ANXA10: variants seen among roughly 807,000 people sequenced by gnomAD.
ANXA10 encodes annexin A10, also known as annexin 14.
ANXA10 carries 49 observed loss-of-function variants against 53.5 expected under a neutral mutation model. The ratio of observed to expected loss-of-function variants is 0.92; its 90% CI spans 0.73 to 1.16. The LOEUF (loss-of-function observed/expected upper bound fraction) is 1.16, where lower values mean the gene tolerates loss of function less well. Ranked by LOEUF, ANXA10 falls within the 50% of genes most tolerant of loss-of-function variation. The probability of loss-of-function intolerance (pLI) is 0.00; values close to 1 mark genes in which losing one functional copy is unlikely to be tolerated. For synonymous variants in ANXA10, 131 were observed against 128.9 expected (o/e 1.02, Z -0.11); for missense variants, 393 against 394.4 (o/e 1.00, Z 0.03).
chr4:168,146,156 G>A (rs1013673102), intron 3 of ANXA10, among the ~76,000 whole-genome samples: 5 of 152,090 alleles, frequency 3.3e-5, no homozygotes, highest in African/African-American at 9.7e-5. Flanking sequence ...TGATCCACCC[G>A]CCTTGGCCTC....
intron 10 of ANXA10, among the ~76,000 whole-genome samples, chr4:168,183,051 A>T (rs1024134321): frequency 6.6e-6 from 1 of 151,764 alleles, no homozygotes; most frequent in Non-Finnish European, 1.5e-5. Flanking sequence ...AGAAAAAGAA[A>T]GTCTCATAGA....
At chr4:168,148,619 T>C (rs1950058987) in intron 3 of ANXA10, among the ~76,000 whole-genome samples, 1 of 152,188 alleles carries the variant, frequency 6.6e-6, no homozygotes, top group Admixed American at 6.5e-5. Context: ...TGATCAATAT[T>C]TTTATTCCAC....
intron 1 of ANXA10, among the ~76,000 whole-genome samples, chr4:168,098,117 A>AT (rs1730581496): frequency 6.6e-6 from 1 of 151,460 alleles, no homozygotes; most frequent in African/African-American, 2.4e-5. Context: ...CACTCTTGAA[A>AT]TTTAAAAAAA....
chr4:168,113,587 A>G (rs28595051), intron 1 of ANXA10, among the ~76,000 whole-genome samples: 78,678 of 152,106 alleles, frequency 0.52, 21,158 homozygotes, highest in Non-Finnish European at 0.6. Context: ...CCCTTGTATA[A>G]AAGTACATAA....
chr4:168,161,176 G>A (rs1046664330), intron 3 of ANXA10, among the ~76,000 whole-genome samples: 3 of 152,044 alleles, frequency 2.0e-5, no homozygotes, highest in African/African-American at 4.8e-5. Flanking sequence ...TTTCTTCTAG[G>A]TTTTTTATAG....
chr4:168,096,910 G>GAATATATATATATATATATA (rs1730554140), intron 1 of ANXA10, among the ~76,000 whole-genome samples: 1 of 28,040 alleles, frequency 3.6e-5, no homozygotes, highest in African/African-American at 2.8e-4. Context: ...TAATACAAAT[G>GAATATATATATATATATATA]CATATATATA....
intron 3 of ANXA10, among the ~76,000 whole-genome samples, chr4:168,142,135 G>T (rs888624221): frequency 6.6e-6 from 1 of 152,034 alleles, no homozygotes; most frequent in African/African-American, 2.4e-5. Context: ...ATATGTAAGC[G>T]GTGGGTGGTC....
chr4:168,184,607 A>G lies in ANXA10; in HGVS notation c.832A>G (p.Ser278Gly). The change falls in exon 11 of 12, where the codon AGT becomes GGT. Residue 278 changes from serine (S) to glycine (G), a missense_variant. Ser to Gly is a moderately conservative substitution (Grantham distance 56). Coordinates refer to ENST00000359299, the MANE Select transcript of ANXA10 (RefSeq NM_007193.5). Reference protein sequence around the residue: ...KTVIRILIARSEIDLLTIRKR... With the variant: ...KTVIRILIARGEIDLLTIRKR... ...TGTAATCAGGATTCTCATTGCCAGA[A>G]GTGAAATAGACCTGCTGACCATAAG... is the stretch of plus-strand genomic sequence containing the variant. 4 of 1,614,034 alleles carry G rather than the reference A, an allele frequency of 2.5e-6. No individual in the cohort carries two copies. Among genetic ancestry groups the G allele is most frequent in the Non-Finnish European group, 3.4e-6 (4 of 1,179,880 alleles).
intron 1 of ANXA10, among the ~76,000 whole-genome samples, chr4:168,121,831 GTTTTGTT>G (rs1266506034): frequency 1.3e-5 from 2 of 151,558 alleles, no homozygotes; most frequent in Non-Finnish European, 2.9e-5. Context: ...TTGTTGTTTG[GTTTTGTT>G]TTTTGTTTTG....
At chr4:168,181,173 T>C (rs905998496) in intron 9 of ANXA10, among the ~76,000 whole-genome samples, 2 of 151,826 alleles carry the variant, frequency 1.3e-5, no homozygotes, top group Admixed American at 6.6e-5. Flanking sequence ...GGGCGGATCA[T>C]GAGGTCAGGA....
chr4:168,165,611 T>A (rs1731864431), intron 6 of ANXA10, among the ~76,000 whole-genome samples: 1 of 152,148 alleles, frequency 6.6e-6, no homozygotes, highest in Non-Finnish European at 1.5e-5. Flanking sequence ...TTTTATATTC[T>A]GAGAAAATTA....
intron 10 of ANXA10, among the ~76,000 whole-genome samples, chr4:168,183,317 C>T (rs777111266): frequency 4.6e-5 from 7 of 152,146 alleles, no homozygotes; most frequent in Non-Finnish European, 8.8e-5. Context: ...GATCAATGCT[C>T]ACAGTCTTGC....
intron 1 of ANXA10, among the ~76,000 whole-genome samples, chr4:168,114,887 ATTTTC>A (rs1278817955): frequency 6.6e-6 from 1 of 150,646 alleles, no homozygotes; most frequent in Admixed American, 6.6e-5. Flanking sequence ...ATTTTTTGTT[ATTTTC>A]TTTTATTTTT....
chr4:168,116,420 C>A (rs1217111383), intron 1 of ANXA10, among the ~76,000 whole-genome samples: 3 of 152,040 alleles, frequency 2.0e-5, no homozygotes, highest in Non-Finnish European at 4.4e-5. Context: ...GTGCAGTATT[C>A]CTCTGAGCCA....
chr4:168,135,160 C>G (rs1178986908), intron 2 of ANXA10, among the ~76,000 whole-genome samples: 1 of 152,088 alleles, frequency 6.6e-6, no homozygotes, highest in Non-Finnish European at 1.5e-5. Flanking sequence ...AGTTTTTAAG[C>G]AGTATGGTGA....
At chr4:168,153,436 AAAAAAC>A (rs1210044664) in intron 3 of ANXA10, among the ~76,000 whole-genome samples, 4 of 58,688 alleles carry the variant, frequency 6.8e-5, no homozygotes, top group Admixed American at 1.4e-4. Context: ...AAAAAAAAAA[AAAAAAC>A]AAAAACAAAA....
rs766782048 is a variant in ANXA10, at chr4:168,127,817, CTTTTTTTTTTT to C, written c.19-250_19-240del. 1.3e-3 allele frequency: 193 copies of C among 148,972 alleles called. 1 individual carries two copies. The highest frequency in any genetic ancestry group is 2.7e-3 in the African/African-American group (30 of 11,082). The allele number at this position is 148,972 out of a possible 1,614,324, so 9.2% of individuals were successfully genotyped here. ...TTTGTCTGGAAAACAATGTTGAAAC[CTTTTTTTTTTT>C]TTTTTTTTTTTTTTTTGCCTCCTGA... is the stretch of plus-strand genomic sequence containing the variant. On this transcript the variant is annotated intron_variant, in intron 1 of 11. Transcript: ENST00000359299.
rs1319233705 is a variant in ANXA10, at chr4:168,155,809, ATATAT to A, written c.196-6713_196-6709del. Among the ~76,000 whole-genome samples, 4 of 17,054 alleles carry A rather than the reference ATATAT, an allele frequency of 2.3e-4. 1 individual carries two copies. Among genetic ancestry groups the A allele is most frequent in the African/African-American group, 5.0e-4 (2 of 3,968 alleles). The allele number at this position is 17,054 out of a possible 152,430, so 11.2% of individuals were successfully genotyped here. A position where few individuals can be genotyped will look rare whatever the true frequency, so the allele number is the denominator to read the frequency against. On this transcript the variant is annotated intron_variant, in intron 3 of 11. Transcript: ENST00000359299. ...TATTATATATAATATATAATATATGATATATTATATATGATATATGATATATCATA... is the reference window on the plus strand; with the variant it reads ...TATTATATATAATATATAATATATGATATATATGATATATGATATATCATA...
chr4:168,128,775 C>T (rs555305260), intron 2 of ANXA10, among the ~76,000 whole-genome samples: 14 of 152,098 alleles, frequency 9.2e-5, no homozygotes, highest in Admixed American at 6.6e-4. Context: ...CCTCTCACTC[C>T]CCTAATCTCA....
Sources: gnomAD v4.1 joint callset for allele counts (sites outside exome capture counted in the v4.1 genomes callset) on GRCh38, gnomAD v4.1.1 for gene constraint, MANE v1.5 for transcripts, NCBI Gene and HGNC (gene_info 2026-07-23, HGNC 2026-07-21) for gene names.